Variants in MDFIC observed in about 807,000 individuals in gnomAD.
MDFIC encodes MyoD family inhibitor domain containing.
A neutral mutation model predicts 23.2 loss-of-function variants in MDFIC; 17 were observed. The observed-to-expected ratio is 0.73, with a 90% CI of 0.50 to 1.10. The LOEUF (loss-of-function observed/expected upper bound fraction) is 1.10, where lower values mean the gene tolerates loss of function less well. Among genes scored for constraint, MDFIC ranks in the 50% least tolerant of loss-of-function variants. MDFIC has a pLI of 0.00. For missense variants in MDFIC, 356 were observed against 316.6 expected, an observed-to-expected ratio of 1.12 and a Z score of -0.95; for synonymous variants, 120 against 115.2, an observed-to-expected ratio of 1.04 and a Z score of -0.27.
chr7:114,947,372 T>A (rs1169713496), intron 3 of MDFIC, among the ~76,000 whole-genome samples: 1 of 152,200 alleles, frequency 6.6e-6, no homozygotes, highest in East Asian at 1.9e-4. Context: ...GTGACTGTAG[T>A]ACACATGCTT....
chr7:114,979,807 T>G, intron 4 of MDFIC, 26 bp downstream of exon 4: 1 of 1,602,210 alleles, frequency 6.2e-7, no homozygotes, highest in Non-Finnish European at 8.5e-7. Flanking sequence ...ATGTAGATTT[T>G]ATTTGACCAG....
chr7:114,946,146 T>C (rs1218262558), intron 3 of MDFIC, among the ~76,000 whole-genome samples: 2 of 152,116 alleles, frequency 1.3e-5, no homozygotes, highest in East Asian at 1.9e-4. Context: ...ATGTTTTAAT[T>C]AGACAAGAAA....
At chr7:114,974,081 T>C (rs1793260189) in intron 3 of MDFIC, among the ~76,000 whole-genome samples, 1 of 152,070 alleles carries the variant, frequency 6.6e-6, no homozygotes, top group Non-Finnish European at 1.5e-5. Flanking sequence ...GGATATAGGG[T>C]CCATGTAGGG....
intron 4 of MDFIC, among the ~76,000 whole-genome samples, chr7:115,011,062 C>T (rs1373913505): frequency 6.6e-6 from 1 of 152,150 alleles, no homozygotes; most frequent in East Asian, 1.9e-4. Context: ...GACCTTCCTC[C>T]AAGGAACATC....
Position 114,922,862 on chromosome 7 carries a change from C to T in MDFIC, c.-107-65C>T, listed in dbSNP as rs1291572717. 12 of 1,495,790 alleles carry T rather than the reference C, an allele frequency of 8.0e-6. No individual in the cohort carries two copies. In the East Asian group the frequency reaches 2.7e-4, roughly 34 times the overall value. The allele number at this position is 1,495,790 out of a possible 1,614,324, so 92.7% of individuals were successfully genotyped here. On this transcript the variant is annotated intron_variant, in intron 1 of 4. Coordinates refer to ENST00000393486, the MANE Select transcript of MDFIC (RefSeq NM_001166345.3). ...GGAAGTGGAGGGGGAGGGAACGTCC[C>T]GCAGGGGTGGTGTGCTCTTCTCTAA...
intron 2 of MDFIC, chr7:114,923,763 CGAGTTG>C (rs1792138435): frequency 1.2e-6 from 1 of 828,480 alleles, no homozygotes; most frequent in Non-Finnish European, 1.7e-6. Context: ...AGCTTCTAAA[CGAGTTG>C]AACCTTTCTT....
intron 3 of MDFIC, among the ~76,000 whole-genome samples, chr7:114,944,676 T>C (rs1792611015): frequency 6.6e-6 from 1 of 152,244 alleles, no homozygotes. Context: ...TAATTTAGTC[T>C]GTCTGTCTTA....
At chr7:114,991,626 T>C (rs1166811950) in intron 4 of MDFIC, among the ~76,000 whole-genome samples, 5 of 152,224 alleles carry the variant, frequency 3.3e-5, no homozygotes, top group Non-Finnish European at 5.9e-5. Flanking sequence ...CCATTTCTTG[T>C]TTTTGTCAGG....
At chr7:114,956,928 G>A (rs1792895464) in intron 3 of MDFIC, among the ~76,000 whole-genome samples, 1 of 152,170 alleles carries the variant, frequency 6.6e-6, no homozygotes. Flanking sequence ...GAACTGATAG[G>A]TATGGCTCTC....
intron 3 of MDFIC, among the ~76,000 whole-genome samples, chr7:114,944,974 C>T (rs978392219): frequency 3.5e-4 from 53 of 152,314 alleles, no homozygotes; most frequent in Non-Finnish European, 7.4e-4. Flanking sequence ...GAGGGATCAT[C>T]AGAAAAATGA....
chr7:114,998,556 A>T (rs1026437203), intron 4 of MDFIC, among the ~76,000 whole-genome samples: 1 of 152,210 alleles, frequency 6.6e-6, no homozygotes, highest in South Asian at 2.1e-4. Context: ...AATGGAGAGC[A>T]TTCTAAATTT....
chr7:114,937,379 G>GA (rs1792446422), intron 2 of MDFIC, among the ~76,000 whole-genome samples: 2 of 152,150 alleles, frequency 1.3e-5, no homozygotes, highest in Non-Finnish European at 2.9e-5. Context: ...CTTTCTTTGA[G>GA]AATTAATTCA....
chr7:114,990,133 G>A (rs1793579784), intron 4 of MDFIC, among the ~76,000 whole-genome samples: 1 of 152,126 alleles, frequency 6.6e-6, no homozygotes, highest in African/African-American at 2.4e-5. Context: ...TTATGCTTTA[G>A]TATGCTCTAC....
intron 4 of MDFIC, among the ~76,000 whole-genome samples, chr7:114,997,044 T>C (rs1313666923): frequency 6.6e-6 from 1 of 152,084 alleles, no homozygotes; most frequent in East Asian, 1.9e-4. Flanking sequence ...TCCAGTAAGA[T>C]GAATGAGAAG....
At chr7:114,940,068 G>T (rs1201915681) in intron 2 of MDFIC, among the ~76,000 whole-genome samples, 1 of 152,078 alleles carries the variant, frequency 6.6e-6, no homozygotes, top group Non-Finnish European at 1.5e-5. Flanking sequence ...AAAAAGTAAA[G>T]ATTTTAATTG....
At chr7:115,002,981 G>A (rs1459620859) in intron 4 of MDFIC, among the ~76,000 whole-genome samples, 1 of 152,160 alleles carries the variant, frequency 6.6e-6, no homozygotes, top group African/African-American at 2.4e-5. Flanking sequence ...AGATAGCTAT[G>A]TGCGGTCCCT....
chr7:115,007,862 A>ATTT lies in MDFIC; in HGVS notation c.494-7812_494-7810dup, dbSNP rs35353301. ...AGATACTCGCCACCATACTCAGCTA[A>ATTT]TTTTTTTTTTTTTTTTGGTAGAAAC... On this transcript the variant is annotated intron_variant, in intron 4 of 4. Coordinates refer to ENST00000393486, the MANE Select transcript of MDFIC (RefSeq NM_001166345.3). Among the ~76,000 whole-genome samples the ATTT allele has an allele frequency of 2.0e-4, 22 of 110,982 alleles. 1 individual carries two copies. In the South Asian group the frequency reaches 4.0e-3, roughly 20 times the overall value. 72.8% of individuals were successfully genotyped at this position (110,982 alleles called of 152,430 possible). A position where few individuals can be genotyped will look rare whatever the true frequency, so the allele number is the denominator to read the frequency against.
At chr7:114,987,843 TAGTA>T (rs1284537955) in intron 4 of MDFIC, among the ~76,000 whole-genome samples, 1 of 152,192 alleles carries the variant, frequency 6.6e-6, no homozygotes, top group Non-Finnish European at 1.5e-5. Flanking sequence ...TATTTATAAA[TAGTA>T]AGTGTTTCTG....
At chr7:114,988,297 C>G (rs1014131759) in intron 4 of MDFIC, among the ~76,000 whole-genome samples, 1 of 152,142 alleles carries the variant, frequency 6.6e-6, no homozygotes, top group African/African-American at 2.4e-5. Context: ...TATTTAGAAA[C>G]CAGGCTTCAG....
Sources: gnomAD v4.1 joint callset for allele counts (sites outside exome capture counted in the v4.1 genomes callset) on GRCh38, gnomAD v4.1.1 for gene constraint, MANE v1.5 for transcripts, NCBI Gene and HGNC (gene_info 2026-07-23, HGNC 2026-07-21) for gene names.